The following SEMA3C variants were observed in gnomAD, a reference collection of about 807,000 sequenced individuals.
SEMA3C encodes semaphorin 3C, also known as semaphorin-3C.
A neutral mutation model predicts 89.4 loss-of-function variants in SEMA3C; 47 were observed. That is an observed-to-expected ratio of 0.53 (90% CI 0.42 to 0.67). SEMA3C has a LOEUF of 0.67. Ranked by LOEUF, SEMA3C falls within the 30% of genes least tolerant of loss-of-function variation. The pLI is 0.00. For missense variants in SEMA3C, 839 were observed against 929.1 expected (o/e 0.90, Z 1.26); for synonymous variants, 310 against 320.2 (o/e 0.97, Z 0.34).
At chr7:80,875,040 C>T (rs940469570) in intron 2 of SEMA3C, among the ~76,000 whole-genome samples, 6 of 151,276 alleles carry the variant, frequency 4.0e-5, no homozygotes, top group African/African-American at 9.7e-5. Context: ...GCAGAGATCA[C>T]GCCACTGTAC....
Position 80,804,157 on chromosome 7 carries a change from G to T in SEMA3C, c.750C>A (p.Asp250Glu). 1 of 1,612,832 alleles carries T rather than the reference G, an allele frequency of 6.2e-7. No homozygotes were observed. The highest frequency in any genetic ancestry group is 2.2e-5 in the East Asian group (1 of 44,796). ...GAATCTGTTTCGTGCTCCTGTTATT[G>T]TCAGTCAGTTTTTCTTTGAAGAAGA... is the stretch of plus-strand genomic sequence containing the variant. ...VYFFFKEKLT[D>E]NNRSTKQIHS... is the part of the protein sequence containing the mutation. The change falls in exon 8 of 18, where the codon GAC becomes GAA. Residue 250 changes from aspartate to glutamate, a missense_variant. Asp to Glu is a conservative substitution (Grantham distance 45, BLOSUM62 2). Coordinates refer to ENST00000265361, the MANE Select transcript of SEMA3C (RefSeq NM_006379.5).
chr7:80,917,265 T>A (rs1792300692), intron 1 of SEMA3C, among the ~76,000 whole-genome samples: 2 of 152,216 alleles, frequency 1.3e-5, no homozygotes, highest in South Asian at 4.1e-4. Flanking sequence ...GTGTACCTAC[T>A]CACTTCAATA....
Position 80,744,796 on chromosome 7 carries a change from T to C in SEMA3C, c.*98A>G. ...CTTCAGGAGTAATCACCTTTTTCAG[T>C]AATTCCCCTTGGTAAAGCACAAGTT... On this transcript the variant is annotated 3_prime_UTR_variant, in exon 18 of 18. Coordinates refer to ENST00000265361, the MANE Select transcript of SEMA3C (RefSeq NM_006379.5). The C allele has an allele frequency of 7.3e-7, 1 of 1,362,236 alleles. No individual in the cohort carries two copies. The highest frequency in any genetic ancestry group is 1.2e-5 in the South Asian group (1 of 82,010). The allele number at this position is 1,362,236 out of a possible 1,614,324, so 84.4% of individuals were successfully genotyped here. A position where few individuals can be genotyped will look rare whatever the true frequency, so the allele number is the denominator to read the frequency against.
chr7:80,826,226 T>C (rs954356613), intron 4 of SEMA3C, among the ~76,000 whole-genome samples: 1 of 152,100 alleles, frequency 6.6e-6, no homozygotes, highest in Non-Finnish European at 1.5e-5. Flanking sequence ...ATTTTTCCCA[T>C]GTTCGGTCTT....
rs557821556 is a variant in SEMA3C, at chr7:80,911,719, T to C, written c.103+4960A>G. On this transcript the variant is annotated intron_variant, in intron 2 of 17. Transcript: ENST00000265361. ...CACGACCTCGACTCACTGCAAGCTC[T>C]GCCTCCCGAGTTTATGCCATTCTCC... Among the ~76,000 whole-genome samples, 5 of 151,852 alleles carry C rather than the reference T, an allele frequency of 3.3e-5. No individual in the cohort carries two copies. The East Asian group carries it at 7.8e-4, about 24-fold the overall frequency.
intron 12 of SEMA3C, among the ~76,000 whole-genome samples, chr7:80,778,092 G>A (rs1007264866): frequency 2.0e-5 from 3 of 152,046 alleles, no homozygotes; most frequent in Non-Finnish European, 4.4e-5. Context: ...ATATGGTATT[G>A]GCTCAAGTGA....
chr7:80,772,646 G>A (rs1030755832), intron 12 of SEMA3C, among the ~76,000 whole-genome samples: 1 of 151,668 alleles, frequency 6.6e-6, no homozygotes, highest in African/African-American at 2.4e-5. Context: ...ATGCTAAAGA[G>A]TTTATAGGGT....
chr7:80,775,313 T>C (rs1034095031), intron 12 of SEMA3C, among the ~76,000 whole-genome samples: 1 of 152,042 alleles, frequency 6.6e-6, no homozygotes, highest in African/African-American at 2.4e-5. Flanking sequence ...GGTAGAAGTT[T>C]TGGAACTACT....
chr7:80,919,175 G>T, upstream of SEMA3C: 2 of 984,752 alleles, frequency 2.0e-6, no homozygotes, highest in Non-Finnish European at 2.4e-6. Flanking sequence ...GCGCAGCCCC[G>T]GCCGCATCTC....
chr7:80,793,870 C>T (rs911415305), intron 11 of SEMA3C, among the ~76,000 whole-genome samples: 5 of 118,058 alleles, frequency 4.2e-5, no homozygotes, highest in South Asian at 2.5e-4. Flanking sequence ...TAACCTAACA[C>T]GTGGGGGATG....
intron 2 of SEMA3C, among the ~76,000 whole-genome samples, chr7:80,898,862 G>C (rs187611981): frequency 1.0e-3 from 155 of 150,676 alleles, no homozygotes; most frequent in African/African-American, 3.5e-3. Context: ...GTTGGTCATA[G>C]TAGTGGCTTG....
In SEMA3C at chr7:80,802,669, T is replaced by G. The variant is rs1339029886; in HGVS notation, c.912A>C (p.Glu304Asp). The G allele has an allele frequency of 6.2e-7, 1 of 1,609,836 alleles. No individual in the cohort carries two copies. Among genetic ancestry groups the G allele is most frequent in the Admixed American group, 1.7e-5 (1 of 59,996 alleles). The change falls in exon 9 of 18, where the codon GAA (glutamate) becomes GAC (aspartate). Residue 304 changes from glutamate (E) to aspartate (D), a missense_variant. Glu to Asp is a conservative substitution (Grantham distance 45). Coordinates refer to ENST00000265361, the MANE Select transcript of SEMA3C (RefSeq NM_006379.5). Reference protein sequence around the residue: ...DEDGPETHFDELEDVFLLETD... With the variant: ...DEDGPETHFDDLEDVFLLETD... The stretch of plus-strand genomic sequence containing the variant: ...TTCAATCTCATATGTATGTACCTAA[T>G]TCATCAAAGTGTGTTTCTGGGCCGT...
chr7:80,844,272 A>G (rs1194214413), intron 2 of SEMA3C, among the ~76,000 whole-genome samples: 1 of 152,222 alleles, frequency 6.6e-6, no homozygotes, highest in Non-Finnish European at 1.5e-5. Flanking sequence ...ACTGAGATCC[A>G]ACAGTTCTCC....
intron 2 of SEMA3C, among the ~76,000 whole-genome samples, chr7:80,890,488 A>G (rs1250725798): frequency 6.6e-6 from 1 of 152,148 alleles, no homozygotes; most frequent in East Asian, 1.9e-4. Flanking sequence ...CTTCTAAACA[A>G]CCAAATCTAA....
intron 2 of SEMA3C, among the ~76,000 whole-genome samples, chr7:80,903,887 C>T (rs1330077363): frequency 1.3e-5 from 2 of 152,192 alleles, no homozygotes; most frequent in African/African-American, 4.8e-5. Flanking sequence ...CCTTCCCTAT[C>T]TTCTACTTCC....
chr7:80,838,371 T>C (rs1790183336), intron 2 of SEMA3C, among the ~76,000 whole-genome samples: 1 of 152,138 alleles, frequency 6.6e-6, no homozygotes, highest in Non-Finnish European at 1.5e-5. Flanking sequence ...TAAAAATAAT[T>C]CCTTTTTCAC....
At chr7:80,760,942 C>T (rs2117051974) in intron 14 of SEMA3C, among the ~76,000 whole-genome samples, 1 of 152,064 alleles carries the variant, frequency 6.6e-6, no homozygotes, top group East Asian at 1.9e-4. Context: ...TTAAATAATA[C>T]CTTTTGGAAA....
chr7:80,833,322 ACTCAGGAGG>A (rs1354142660), intron 2 of SEMA3C, among the ~76,000 whole-genome samples: 1 of 152,026 alleles, frequency 6.6e-6, no homozygotes, highest in Non-Finnish European at 1.5e-5. Flanking sequence ...AATCCCAGCT[ACTCAGGAGG>A]CTAAGGCAGG....
chr7:80,775,024 G>C (rs1295620478), intron 12 of SEMA3C, among the ~76,000 whole-genome samples: 1 of 151,904 alleles, frequency 6.6e-6, no homozygotes, highest in Non-Finnish European at 1.5e-5. Context: ...GTTTTTATGA[G>C]AAACAAGGGA....
Sources: gnomAD v4.1 joint callset for allele counts (sites outside exome capture counted in the v4.1 genomes callset) on GRCh38, gnomAD v4.1.1 for gene constraint, MANE v1.5 for transcripts, NCBI Gene and HGNC (gene_info 2026-07-23, HGNC 2026-07-21) for gene names.